Variants in ZFR2 observed in about 807,000 individuals in gnomAD.
The protein encoded by ZFR2 is zinc finger RNA-binding protein 2.
A neutral mutation model predicts 105.7 loss-of-function variants in ZFR2; 104 were observed. The observed-to-expected ratio is 0.98, with a 90% CI of 0.84 to 1.16. The LOEUF is 1.16. Ranked by LOEUF, ZFR2 falls within the 50% of genes most tolerant of loss-of-function variation. The pLI is 0.00. For missense variants in ZFR2, 1,425 were observed against 1,355.5 expected, an observed-to-expected ratio of 1.05 and a Z score of -0.80; for synonymous variants, 634 against 597.7, an observed-to-expected ratio of 1.06 and a Z score of -0.89.
chr19:3,855,412 G>A, intron 1 of ZFR2: 1 of 1,231,742 alleles, frequency 8.1e-7, no homozygotes, highest in Non-Finnish European at 1.0e-6. Flanking sequence ...CTGACAGAAA[G>A]TGAAAGCAGT....
chr19:3,814,022 C>G, intron 13 of ZFR2, 64 bp from the exon 14 acceptor site: 1 of 1,596,356 alleles, frequency 6.3e-7, no homozygotes, highest in Non-Finnish European at 8.5e-7. Flanking sequence ...GTAAATCAGC[C>G]AGGATGTGGT....
At chr19:3,822,249 A>G (rs2037904870) in intron 8 of ZFR2, 49 bp from the exon 9 acceptor site, 1 of 1,541,154 alleles carries the variant, frequency 6.5e-7, no homozygotes, top group Non-Finnish European at 8.8e-7. Flanking sequence ...GCGGGGTGGG[A>G]TGTGAGATGC....
intron 1 of ZFR2, among the ~76,000 whole-genome samples, chr19:3,859,584 C>T (rs1394329838): frequency 2.0e-5 from 3 of 152,346 alleles, no homozygotes; most frequent in Admixed American, 6.5e-5. Flanking sequence ...GACCTTGGCG[C>T]GGTGGGTCTG....
chr19:3,855,176 A>T (rs751675083), intron 1 of ZFR2, among the ~76,000 whole-genome samples: 4 of 152,162 alleles, frequency 2.6e-5, no homozygotes, highest in Non-Finnish European at 5.9e-5. Flanking sequence ...GATTACTGGC[A>T]TAAGCCAACG....
chr19:3,831,053 GCA>G (rs1361833202), intron 5 of ZFR2, among the ~76,000 whole-genome samples: 3 of 150,488 alleles, frequency 2.0e-5, no homozygotes, highest in Admixed American at 6.6e-5. Flanking sequence ...ACACATACAT[GCA>G]CACTCACGTT....
At chr19:3,859,203 A>G (rs1181246527) in intron 1 of ZFR2, among the ~76,000 whole-genome samples, 2 of 152,200 alleles carry the variant, frequency 1.3e-5, no homozygotes, top group Non-Finnish European at 2.9e-5. Context: ...TCTTTCTCCC[A>G]TGCTGGGTGC....
chr19:3,867,328 G>A (rs1275054113), intron 1 of ZFR2, among the ~76,000 whole-genome samples: 1 of 151,232 alleles, frequency 6.6e-6, no homozygotes, highest in Non-Finnish European at 1.5e-5. Context: ...GGTCCCCTCA[G>A]AGATGCCAGC....
At position 3,816,656 on chromosome 19, in the gene ZFR2, G is replaced by A; in HGVS notation, c.2103+18C>T. 2 of 1,590,802 alleles carry A rather than the reference G, an allele frequency of 1.3e-6. No individual in the cohort carries two copies. The highest frequency in any genetic ancestry group is 1.7e-6 in the Non-Finnish European group (2 of 1,164,430). On this transcript the variant is annotated intron_variant, in intron 13 of 18. Transcript: ENST00000262961. ...AGCCAGACGCCAGAAGCAGCGATGA[G>A]CAGGGCCCTGACCTTACCTGGAGCT...
intron 1 of ZFR2, among the ~76,000 whole-genome samples, chr19:3,859,905 T>A (rs576291825): frequency 6.6e-6 from 1 of 152,316 alleles, no homozygotes; most frequent in East Asian, 1.9e-4. Flanking sequence ...TTTTCTTTTT[T>A]TCTGACCATG....
chr19:3,812,078 G>A (rs2037771290), intron 14 of ZFR2, among the ~76,000 whole-genome samples: 1 of 152,056 alleles, frequency 6.6e-6, no homozygotes, highest in Non-Finnish European at 1.5e-5. Flanking sequence ...TGAGTAGCTG[G>A]GATTACCGGC....
At position 3,806,041 on chromosome 19, in the gene ZFR2, G is replaced by T. The variant is rs766230625; in HGVS notation, c.2728C>A (p.Arg910Ser). 1.3e-6 allele frequency: 2 copies of T among 1,539,778 alleles called. No homozygotes were observed. Among genetic ancestry groups the T allele is most frequent in the Non-Finnish European group, 8.7e-7 (1 of 1,143,864 alleles). Residue 910 changes from arginine (R) to serine (S), a missense_variant, in exon 19 of 19, where the codon CGC becomes AGC. Arg to Ser is a moderately radical substitution (Grantham distance 110). Coordinates refer to ENST00000262961, the MANE Select transcript of ZFR2 (RefSeq NM_015174.2). ...GGTCCCCGTTGCCTCTTCCGGAAGC[G>T]GGCCCCCAGCCGGTGTCTGGGCGGC... ...LLPPRHRLGA[R>S]FRKRQRGPGE... is the part of the protein sequence containing the mutation.
intron 1 of ZFR2, among the ~76,000 whole-genome samples, chr19:3,848,691 T>C (rs1213552833): frequency 2.3e-5 from 3 of 131,956 alleles, no homozygotes; most frequent in Non-Finnish European, 4.9e-5. Context: ...ACCCCATCTC[T>C]TAAAAACACA....
chr19:3,843,598 C>T (rs78584847), intron 1 of ZFR2, among the ~76,000 whole-genome samples: 3 of 151,402 alleles, frequency 2.0e-5, no homozygotes, highest in Non-Finnish European at 4.4e-5. Flanking sequence ...TTTGGGAGGC[C>T]GAGGCAGGCA....
At chr19:3,848,845 T>G (rs970454688) in intron 1 of ZFR2, among the ~76,000 whole-genome samples, 1 of 149,200 alleles carries the variant, frequency 6.7e-6, no homozygotes, top group African/African-American at 2.5e-5. Context: ...CAAAAAAAAA[T>G]TAGCCAGGTG....
At chr19:3,842,612 T>C (rs917165841) in intron 1 of ZFR2, among the ~76,000 whole-genome samples, 1 of 151,794 alleles carries the variant, frequency 6.6e-6, no homozygotes, top group Non-Finnish European at 1.5e-5. Context: ...ATTTCAGAAC[T>C]TTTTTTTCTT....
Position 3,827,632 on chromosome 19 carries a change from C to T in ZFR2, c.874G>A (p.Gly292Arg). The change falls in exon 6 of 19, where the codon GGG becomes AGG. Residue 292 changes from glycine (G) to arginine (R), a missense_variant. Gly to Arg is a moderately radical substitution (Grantham distance 125). Coordinates refer to ENST00000262961, the MANE Select transcript of ZFR2 (RefSeq NM_015174.2). The part of the protein sequence containing the change: ...GPQTYREHLG[G>R]QKHRKKEAAQ... Reference sequence around the variant, plus strand: ...GCCTCCTTCTTTCTGTGCTTCTGCCCTCCCAGATGTTCCCGGTAGGTCTGC... The same window carrying T: ...GCCTCCTTCTTTCTGTGCTTCTGCCTTCCCAGATGTTCCCGGTAGGTCTGC... The T allele has an allele frequency of 6.3e-7, 1 of 1,583,714 alleles. No individual in the cohort carries two copies. Among genetic ancestry groups the T allele is most frequent in the Non-Finnish European group, 8.6e-7 (1 of 1,165,414 alleles).
chr19:3,854,423 A>G (rs1199323196), intron 1 of ZFR2, among the ~76,000 whole-genome samples: 1 of 152,124 alleles, frequency 6.6e-6, no homozygotes, highest in Non-Finnish European at 1.5e-5. Context: ...AGGCTTTTCT[A>G]GCAACTACCA....
chr19:3,850,116 C>A (rs879648607), intron 1 of ZFR2, among the ~76,000 whole-genome samples: 30 of 152,088 alleles, frequency 2.0e-4, no homozygotes, highest in Admixed American at 1.8e-3. Flanking sequence ...ATAACAGAGA[C>A]GCGGGGGCAG....
chr19:3,829,217 C>T (rs11670051), intron 5 of ZFR2, among the ~76,000 whole-genome samples: 31,816 of 151,984 alleles, frequency 0.21, 3,526 homozygotes, highest in South Asian at 0.37. Flanking sequence ...CCACCTCAGC[C>T]TCCCAAAGTG....
Sources: allele counts gnomAD v4.1 joint callset (sites outside exome capture counted in the v4.1 genomes callset), GRCh38; gene constraint gnomAD v4.1.1; transcripts MANE v1.5; gene names NCBI Gene and HGNC (gene_info 2026-07-23, HGNC 2026-07-21).